The following CORO2B variants were observed in gnomAD, a reference collection of about 807,000 sequenced individuals.
The protein encoded by CORO2B is coronin 2B.
CORO2B carries 26 observed loss-of-function variants against 58.8 expected under a neutral mutation model. The observed-to-expected ratio is 0.44, with a 90% CI of 0.32 to 0.61. The LOEUF (loss-of-function observed/expected upper bound fraction) is 0.61. Among genes scored for constraint, CORO2B ranks in the 20% least tolerant of loss-of-function variants. The pLI is 0.04. For synonymous variants in CORO2B, 242 were observed against 253.8 expected, an observed-to-expected ratio of 0.95 and a Z score of 0.44; for missense variants, 460 against 645.1, an observed-to-expected ratio of 0.71 and a Z score of 3.11.
intron 1 of CORO2B, among the ~76,000 whole-genome samples, chr15:68,591,404 G>A (rs191473327): frequency 7.6e-4 from 115 of 152,308 alleles, no homozygotes; most frequent in African/African-American, 2.7e-3. Context: ...GGAAATGGAG[G>A]GGCTGTATGT....
At chr15:68,576,667 C>A (rs74489259), upstream of CORO2B, among the ~76,000 whole-genome samples, 218 of 152,286 alleles carry the variant, frequency 1.4e-3, 2 homozygotes, top group East Asian at 0.038. Context: ...GTCTTGAGCT[C>A]CATCCTTCTG....
chr15:68,613,929 T>C lies in CORO2B; in HGVS notation c.16-31231T>C, dbSNP rs552733855. On this transcript the variant is annotated intron_variant, in intron 1 of 11. Coordinates refer to ENST00000261861, the MANE Select transcript of CORO2B (RefSeq NM_006091.5). ...ATTGCTGTGAGTTTAGCTTCCTTAT[T>C]ATAGATTTAGTTTGTTGTGGGTTGT... is the stretch of plus-strand genomic sequence containing the variant. 2.0e-5 allele frequency among the ~76,000 whole-genome samples: 3 copies of C among 152,216 alleles called. No homozygotes were observed. The South Asian group carries it at 6.2e-4, about 32-fold the overall frequency.
intron 3 of CORO2B, among the ~76,000 whole-genome samples, chr15:68,702,283 C>A (rs1892670630): frequency 6.6e-6 from 1 of 152,164 alleles, no homozygotes; most frequent in African/African-American, 2.4e-5. Flanking sequence ...TGTGCAAGGA[C>A]AGTCTTTAGT....
At position 68,719,174 on chromosome 15, in the gene CORO2B, A is replaced by G. The variant is rs143929028; in HGVS notation, c.1111A>G (p.Met371Val). 9.3e-6 allele frequency: 15 copies of G among 1,613,964 alleles called. No individual in the cohort carries two copies. Among genetic ancestry groups the G allele is most frequent in the Admixed American group, 5.0e-5 (3 of 60,006 alleles). Residue 371 changes from methionine (M) to valine (V), a missense_variant, in exon 10 of 12, where the codon ATG becomes GTG. By Grantham distance (21) the Met-to-Val change is conservative. This residue lies in a region of CORO2B where 352 missense variants were observed against 543.0 expected (regional missense o/e 0.65). Transcript: ENST00000261861. The stretch of plus-strand genomic sequence containing the variant: ...TTCCTACCAGGAAGACATTTACCCA[A>G]TGACACCAGGCACGGAGCCAGCACT... ...SDSYQEDIYP[M>V]TPGTEPALTP...
At chr15:68,591,923 C>G (rs1366452539) in intron 1 of CORO2B, among the ~76,000 whole-genome samples, 2 of 152,170 alleles carry the variant, frequency 1.3e-5, no homozygotes, top group African/African-American at 4.8e-5. Context: ...TAGCCCTGAC[C>G]CTCCCTGGCT....
the CORO2B span, among the ~76,000 whole-genome samples, chr15:68,551,768 T>G: frequency 1.3e-5 from 2 of 152,216 alleles, 1 homozygote; most frequent in East Asian, 3.8e-4. Context: ...AAACTGCAGT[T>G]TAATTTAAAT....
At chr15:68,562,532 A>G in the CORO2B span, among the ~76,000 whole-genome samples, 1 of 152,226 alleles carries the variant, frequency 6.6e-6, no homozygotes, top group South Asian at 2.1e-4. Flanking sequence ...TTTCAGATAA[A>G]AACAAATAAT....
intron 2 of CORO2B, among the ~76,000 whole-genome samples, chr15:68,653,181 A>C (rs1475981770): frequency 1.3e-5 from 2 of 152,194 alleles, no homozygotes; most frequent in Admixed American, 1.3e-4. Flanking sequence ...TCACTCCAGC[A>C]GTCAGGAGGC....
intron 1 of CORO2B, among the ~76,000 whole-genome samples, chr15:68,621,268 A>G (rs556300521): frequency 5.1e-4 from 77 of 152,326 alleles, no homozygotes; most frequent in African/African-American, 1.7e-3. Context: ...CTCCAGCCCC[A>G]TGGGACTCAG....
At chr15:68,555,614 G>A in the CORO2B span, among the ~76,000 whole-genome samples, 3 of 152,216 alleles carry the variant, frequency 2.0e-5, no homozygotes, top group Non-Finnish European at 2.9e-5. Flanking sequence ...AGGGGCCCAG[G>A]TTACTTGAAG....
chr15:68,726,247 G>A lies in CORO2B; in HGVS notation c.*273G>A. ...TCCCCTCAGCTGGGTGAAGACTACA[G>A]ACTCCCTGGGGTTGGCAGGGGCTCC... On this transcript the variant is annotated 3_prime_UTR_variant, in exon 12 of 12. Coordinates refer to ENST00000261861, the MANE Select transcript of CORO2B (RefSeq NM_006091.5). 2.4e-6 allele frequency: 1 copy of A among 419,904 alleles called. No homozygotes were observed. Among genetic ancestry groups the A allele is most frequent in the Non-Finnish European group, 4.3e-6 (1 of 233,686 alleles). 26.0% of individuals were successfully genotyped at this position (419,904 alleles called of 1,614,324 possible).
chr15:68,607,503 G>A (rs1462055124), intron 1 of CORO2B, among the ~76,000 whole-genome samples: 1 of 152,136 alleles, frequency 6.6e-6, no homozygotes, highest in East Asian at 1.9e-4. Flanking sequence ...CATGGAACCT[G>A]CCTCAAAGTC....
intron 1 of CORO2B, among the ~76,000 whole-genome samples, chr15:68,620,850 G>C (rs558946949): frequency 3.3e-5 from 5 of 152,234 alleles, no homozygotes; most frequent in African/African-American, 1.2e-4. Flanking sequence ...GGCAGGGTTG[G>C]GCGGGGAGCC....
chr15:68,532,455 T>C, the CORO2B span, among the ~76,000 whole-genome samples: 4 of 152,216 alleles, frequency 2.6e-5, no homozygotes, highest in Non-Finnish European at 1.5e-5. Flanking sequence ...ATTTCACATA[T>C]TGTATTTTTT....
At chr15:68,538,390 T>C in the CORO2B span, among the ~76,000 whole-genome samples, 3 of 152,120 alleles carry the variant, frequency 2.0e-5, no homozygotes, top group Middle Eastern at 3.2e-3. Context: ...TACAGGAGAG[T>C]TGGGGCTTTA....
At chr15:68,579,325 C>A (rs973714453) in intron 1 of CORO2B, 48 bp downstream of exon 1, 5 of 1,259,834 alleles carry the variant, frequency 4.0e-6, no homozygotes, top group Non-Finnish European at 5.0e-6. Flanking sequence ...GCGCCTGCAT[C>A]CCCCGGGCTA....
At chr15:68,565,230 T>C in the CORO2B span, among the ~76,000 whole-genome samples, 1 of 152,098 alleles carries the variant, frequency 6.6e-6, no homozygotes, top group Non-Finnish European at 1.5e-5. Flanking sequence ...GATTAATATA[T>C]TGATATATTT....
intron 8 of CORO2B, among the ~76,000 whole-genome samples, chr15:68,716,018 T>TC (rs1349507649): frequency 6.6e-6 from 1 of 152,230 alleles, no homozygotes; most frequent in African/African-American, 2.4e-5. Context: ...TAGCTTGCTT[T>TC]CCCTGTGGGT....
intron 1 of CORO2B, among the ~76,000 whole-genome samples, chr15:68,579,510 C>G (rs765673227): frequency 6.6e-5 from 10 of 152,214 alleles, no homozygotes; most frequent in Non-Finnish European, 1.2e-4. Flanking sequence ...AACATCCCTC[C>G]GCGCCCGGCC....
Sources: allele counts gnomAD v4.1 joint callset (sites outside exome capture counted in the v4.1 genomes callset), GRCh38; gene constraint gnomAD v4.1.1; regional missense constraint gnomAD v4.1.1; transcripts MANE v1.5; gene names NCBI Gene and HGNC (gene_info 2026-07-23, HGNC 2026-07-21).